The following RINL variants were observed in gnomAD, a reference collection of about 807,000 sequenced individuals.
The protein encoded by RINL is ras and Rab interactor-like protein.
Under a neutral mutation model 58.1 loss-of-function variants are expected in RINL, and 39 were observed. The ratio of observed to expected loss-of-function variants is 0.67; its 90% CI spans 0.52 to 0.88. RINL has a LOEUF of 0.88. Ranked by LOEUF, RINL falls within the 40% of genes least tolerant of loss-of-function variation. The pLI is 0.00. For missense variants in RINL, 711 were observed against 749.2 expected (o/e 0.95, Z 0.60); for synonymous variants, 286 against 323.1 (o/e 0.89, Z 1.23).
rs760708601 is a variant in RINL at position 38,876,743 on chromosome 19, C to G, written c.-1G>C. On this transcript the variant is annotated 5_prime_UTR_variant, in exon 2 of 12. Coordinates refer to ENST00000591812, the MANE Select transcript of RINL (RefSeq NM_001195833.2). ...GTGCCTTGTCTTCTGGCTGGGCCAT[C>G]GTCAGGTTGCAGGAAGCCAGTGAGT... 4.6e-6 allele frequency: 7 copies of G among 1,536,042 alleles called. No homozygotes were observed. Among genetic ancestry groups the G allele is most frequent in the Admixed American group, 3.9e-5 (2 of 50,990 alleles).
At position 38,867,876 on chromosome 19, in the gene RINL, AT is replaced by A. The variant is rs1255193202; in HGVS notation, c.*1227del. On this transcript the variant is annotated 3_prime_UTR_variant, in exon 12 of 12. Coordinates refer to ENST00000591812, the MANE Select transcript of RINL (RefSeq NM_001195833.2). ...TTTAATATGGATACATGTTGAAGTG[AT>A]AATATTTGGGATACATTGTGTTAAA... The A allele has an allele frequency of 1.3e-5, 2 of 152,144 alleles. No individual in the cohort carries two copies. Among genetic ancestry groups the A allele is most frequent in the Non-Finnish European group, 2.9e-5 (2 of 68,024 alleles). 9.4% of individuals were successfully genotyped at this position (152,144 alleles called of 1,614,324 possible).
rs754601875 is a variant in RINL, at chr19:38,876,363, C to T, written c.178G>A (p.Ala60Thr). 18 of 1,536,152 alleles carry T rather than the reference C, an allele frequency of 1.2e-5. No homozygotes were observed. Among genetic ancestry groups the T allele is most frequent in the Non-Finnish European group, 7.0e-6 (8 of 1,146,906 alleles). Reference protein sequence around the residue: ...WHVPELDTQDAEALVGLWPLG... With the variant: ...WHVPELDTQDTEALVGLWPLG... Reference sequence around the variant, plus strand: ...GGCCACAGCCCCACAAGGGCCTCCGCATCCTGGGTATCCAGCTCTGGCACA... The same window carrying T: ...GGCCACAGCCCCACAAGGGCCTCCGTATCCTGGGTATCCAGCTCTGGCACA... Residue 60 changes from alanine to threonine, a missense_variant, in exon 3 of 12, where the codon GCG (alanine) becomes ACG (threonine). By Grantham distance (58) the Ala-to-Thr change is moderately conservative. Transcript: ENST00000591812.
Position 38,870,275 on chromosome 19 carries a change from G to T in RINL, c.1025-15C>A. On this transcript the variant is annotated splice_polypyrimidine_tract_variant and intron_variant, in intron 8 of 11. Transcript: ENST00000591812. The surrounding 1 kb of genome is among the most constrained non-coding windows in gnomAD (Gnocchi z 5.8). Reference sequence around the variant, plus strand: ...CAGCGCGGGGCCTGCGGGGTGTGGGGGACGGGTGAGCACAGGACCGCCAAG... The same window carrying T: ...CAGCGCGGGGCCTGCGGGGTGTGGGTGACGGGTGAGCACAGGACCGCCAAG... 7.2e-7 allele frequency: 1 copy of T among 1,381,464 alleles called. No individual in the cohort carries two copies. The highest frequency in any genetic ancestry group is 9.3e-7 in the Non-Finnish European group (1 of 1,073,912). 85.6% of individuals were successfully genotyped at this position (1,381,464 alleles called of 1,614,324 possible).
At chr19:38,871,287 T>C in intron 6 of RINL, 60 bp from the exon 7 acceptor site, 1 of 1,588,160 alleles carries the variant, frequency 6.3e-7, no homozygotes, top group Non-Finnish European at 8.6e-7. Flanking sequence ...CCTGGTCCCC[T>C]CAAGGCGCCA....
At position 38,869,766 on chromosome 19, in the gene RINL, C is replaced by G; in HGVS notation, c.1343-62G>C. On this transcript the variant is annotated intron_variant, in intron 9 of 11. Transcript: ENST00000591812. The surrounding 1 kb of genome is among the most constrained non-coding windows in gnomAD (Gnocchi z 5.7). The stretch of plus-strand genomic sequence containing the variant: ...CCATCTCAAGGCGCGTAGACACCTT[C>G]CATCCGATCCCCAGGACCACGAGGG... 1 of 1,602,778 alleles carries G rather than the reference C, an allele frequency of 6.2e-7. No homozygotes were observed. Among genetic ancestry groups the G allele is most frequent in the Non-Finnish European group, 8.5e-7 (1 of 1,173,752 alleles).
rs1277412793 is a variant in RINL at position 38,870,017 on chromosome 19, G to A, written c.1268C>T (p.Pro423Leu). ...CAAGAGGAGCGCCACCTTGCGGCGC[G>A]GGGCGCAGGCAGCGTGGAGGTGCGC... ...RLAHLHAACAPRRKVALLLEV... is the reference protein window; with the variant it reads ...RLAHLHAACALRRKVALLLEV... Residue 423 changes from proline to leucine, a missense_variant, in exon 9 of 12, where the codon CCG becomes CTG. Transcript: ENST00000591812. This position sits in a 1 kb window ranked among gnomAD's most constrained non-coding sequence, Gnocchi z 5.8. The A allele has an allele frequency of 6.3e-7, 1 of 1,580,512 alleles. No individual in the cohort carries two copies. Among genetic ancestry groups the A allele is most frequent in the Non-Finnish European group, 8.6e-7 (1 of 1,166,146 alleles).
Position 38,870,283 on chromosome 19 carries a change from G to A in RINL, c.1025-23C>T. ...GGCCTGCGGGGTGTGGGGGACGGGT[G>A]AGCACAGGACCGCCAAGTTGTCCCA... On this transcript the variant is annotated intron_variant, in intron 8 of 11. Transcript: ENST00000591812. This position sits in a 1 kb window ranked among gnomAD's most constrained non-coding sequence, Gnocchi z 5.8. 1 of 1,381,620 alleles carries A rather than the reference G, an allele frequency of 7.2e-7. No homozygotes were observed. Among genetic ancestry groups the A allele is most frequent in the Non-Finnish European group, 9.3e-7 (1 of 1,072,264 alleles). 85.6% of individuals were successfully genotyped at this position (1,381,620 alleles called of 1,614,324 possible).
intron 2 of RINL, 53 bp from the exon 3 acceptor site, chr19:38,876,543 A>G: frequency 6.6e-7 from 1 of 1,516,076 alleles, no homozygotes; most frequent in Non-Finnish European, 8.9e-7. Flanking sequence ...CAGTGGGACA[A>G]TGAGGTGAGG....
At position 38,869,786 on chromosome 19, in the gene RINL, C is replaced by T. The variant is rs1972757975; in HGVS notation, c.1343-82G>A. 1.3e-6 allele frequency: 2 copies of T among 1,582,806 alleles called. No individual in the cohort carries two copies. Among genetic ancestry groups the T allele is most frequent in the Middle Eastern group, 1.7e-4 (1 of 5,896 alleles). On this transcript the variant is annotated intron_variant, in intron 9 of 11. Transcript: ENST00000591812. This position sits in a 1 kb window ranked among gnomAD's most constrained non-coding sequence, Gnocchi z 5.7. The stretch of plus-strand genomic sequence containing the variant: ...ACCTTCCATCCGATCCCCAGGACCA[C>T]GAGGGCTGGCTGCCCCTCCACCTTG...
chr19:38,871,595 A>G (rs1413770120), intron 6 of RINL, 52 bp downstream of exon 6: 12 of 1,528,172 alleles, frequency 7.9e-6, no homozygotes, highest in Non-Finnish European at 9.0e-6. Flanking sequence ...ATTCCCTTGG[A>G]GCAAGGAAAT....
chr19:38,869,278 G>C lies in RINL; in HGVS notation c.1607C>G (p.Thr536Arg). The change falls in exon 11 of 12, where the codon ACG becomes AGG. Residue 536 changes from threonine to arginine, a missense_variant. Physicochemically the swap from Thr to Arg is moderately conservative, Grantham distance 71. Coordinates refer to ENST00000591812, the MANE Select transcript of RINL (RefSeq NM_001195833.2). This position sits in a 1 kb window ranked among gnomAD's most constrained non-coding sequence, Gnocchi z 5.7. Reference sequence around the variant, plus strand: ...TCTGGGATGATCCTTTCTGTGCAGCGTCCGCCTGCGGTGCCACTGGTGCAG... The same window carrying C: ...TCTGGGATGATCCTTTCTGTGCAGCCTCCGCCTGCGGTGCCACTGGTGCAG... ...ASLHQWHRRRTLHRKDHPRAQ... is the reference protein window; with the variant it reads ...ASLHQWHRRRRLHRKDHPRAQ... 1 of 1,614,038 alleles carries C rather than the reference G, an allele frequency of 6.2e-7. No individual in the cohort carries two copies. The highest frequency in any genetic ancestry group is 8.5e-7 in the Non-Finnish European group (1 of 1,179,960).
Position 38,869,194 on chromosome 19 carries a change from G to A in RINL, c.1639-28C>T, listed in dbSNP as rs575075331. Reference sequence around the variant, plus strand: ...GTGGGGAGAGGTGGGAGCTGGGTCAGAAGGGCACCAGGTCTCACCCTCCCT... The same window carrying A: ...GTGGGGAGAGGTGGGAGCTGGGTCAAAAGGGCACCAGGTCTCACCCTCCCT... On this transcript the variant is annotated intron_variant, in intron 11 of 11. Transcript: ENST00000591812. This position sits in a 1 kb window ranked among gnomAD's most constrained non-coding sequence, Gnocchi z 5.7. 9.2e-5 allele frequency: 148 copies of A among 1,614,174 alleles called. 2 individuals are homozygous for A. In the South Asian group the frequency reaches 1.5e-3, roughly 17 times the overall value.
At chr19:38,877,408 C>T (rs981611948) in intron 1 of RINL, among the ~76,000 whole-genome samples, 5 of 152,144 alleles carry the variant, frequency 3.3e-5, no homozygotes, top group East Asian at 3.9e-4. Context: ...ACCCAGTCAG[C>T]GCCTGGAAAA....
In RINL at chr19:38,870,238, C is replaced by T; in HGVS notation, c.1047G>A (p.Val349=). The part of the protein sequence containing the change: ...EDPGPALETA[V]CQAVLAPLKP... Reference sequence around the variant, plus strand: ...TCAGGGGCGCCAGCACCGCCTGGCACACCGCCGTCTCCAGCGCGGGGCCTG... The same window carrying T: ...TCAGGGGCGCCAGCACCGCCTGGCATACCGCCGTCTCCAGCGCGGGGCCTG... The change falls in exon 9 of 12, where the codon GTG becomes GTA. Residue 349 remains valine, a synonymous_variant. Coordinates refer to ENST00000591812, the MANE Select transcript of RINL (RefSeq NM_001195833.2). The surrounding 1 kb of genome is among the most constrained non-coding windows in gnomAD (Gnocchi z 5.8). 3 of 1,385,512 alleles carry T rather than the reference C, an allele frequency of 2.2e-6. No individual in the cohort carries two copies. The highest frequency in any genetic ancestry group is 1.9e-6 in the Non-Finnish European group (2 of 1,077,574). 85.8% of individuals were successfully genotyped at this position (1,385,512 alleles called of 1,614,324 possible).
rs1454522133 is a variant in RINL, at chr19:38,868,484, A to G, written c.*620T>C. ...CTCATCTTTATAAAAAATTTTAAAA[A>G]TTAGACAGGCACGGTGGTAGGTGCC... is the stretch of plus-strand genomic sequence containing the variant. On this transcript the variant is annotated 3_prime_UTR_variant, in exon 12 of 12. Coordinates refer to ENST00000591812, the MANE Select transcript of RINL (RefSeq NM_001195833.2). 2.0e-5 allele frequency: 3 copies of G among 151,828 alleles called. No homozygotes were observed. Among genetic ancestry groups the G allele is most frequent in the African/African-American group, 7.3e-5 (3 of 41,310 alleles). The allele number at this position is 151,828 out of a possible 1,614,324, so 9.4% of individuals were successfully genotyped here.
At position 38,870,885 on chromosome 19, in the gene RINL, C is replaced by T; in HGVS notation, c.709G>A (p.Glu237Lys). Residue 237 changes from glutamate (E) to lysine (K), a missense_variant, in exon 8 of 12, where the codon GAA (glutamate) becomes AAA (lysine). Coordinates refer to ENST00000591812, the MANE Select transcript of RINL (RefSeq NM_001195833.2). The surrounding 1 kb of genome is among the most constrained non-coding windows in gnomAD (Gnocchi z 5.8). ...CCTTCCTCCTTTCCTTCAAGGTCTT[C>T]CTCCTCCTCTTCCAGTAGGCTGGCG... The part of the protein sequence containing the change: ...ALASLLEEEE[E>K]DLEGKEEGRE... The T allele has an allele frequency of 6.2e-7, 1 of 1,604,938 alleles. No homozygotes were observed. Among genetic ancestry groups the T allele is most frequent in the Non-Finnish European group, 8.5e-7 (1 of 1,179,978 alleles).
intron 4 of RINL, among the ~76,000 whole-genome samples, chr19:38,872,921 T>C (rs973429353): frequency 6.7e-6 from 1 of 148,966 alleles, no homozygotes; most frequent in African/African-American, 2.5e-5. Context: ...AAAAAATTAG[T>C]CATGTGTGGT....
chr19:38,871,597 C>T (rs1313757419), intron 6 of RINL, 50 bp downstream of exon 6: 1 of 1,551,740 alleles, frequency 6.4e-7, no homozygotes, highest in African/African-American at 1.4e-5. Context: ...TCCCTTGGAG[C>T]AAGGAAATTG....
chr19:38,873,613 C>T (rs1972857566), intron 4 of RINL: 2 of 288,408 alleles, frequency 6.9e-6, no homozygotes, highest in East Asian at 7.1e-5. Flanking sequence ...GCAACCTCTG[C>T]CTCCTGGGTT....
Sources: gnomAD v4.1 joint callset for allele counts (sites outside exome capture counted in the v4.1 genomes callset) on GRCh38, gnomAD v4.1.1 for gene constraint, Gnocchi (gnomAD v3.1) non-coding constraint, MANE v1.5 for transcripts, NCBI Gene and HGNC (gene_info 2026-07-23, HGNC 2026-07-21) for gene names.